The following PDGFD variants were observed in gnomAD, a reference collection of about 807,000 sequenced individuals.
The protein encoded by PDGFD is platelet-derived growth factor D.
In PDGFD, 30 loss-of-function variants were observed where a neutral mutation model predicts 44.7. The observed-to-expected ratio is 0.67, with a 90% confidence interval of 0.50 to 0.91. The LOEUF (loss-of-function observed/expected upper bound fraction) is 0.91. Ranked by LOEUF, PDGFD falls within the 40% of genes least tolerant of loss-of-function variation. The pLI is 0.00. For synonymous variants in PDGFD, 173 were observed against 168.4 expected, an observed-to-expected ratio of 1.03 and a Z score of -0.21; for missense variants, 445 against 457.8, an observed-to-expected ratio of 0.97 and a Z score of 0.25.
Position 104,159,257 on chromosome 11 carries a change from G to A in PDGFD, c.124+4547C>T, listed in dbSNP as rs572170925. Among the ~76,000 whole-genome samples the A allele has an allele frequency of 4.1e-4, 62 of 152,032 alleles. No homozygotes were observed. The South Asian group carries it at 8.9e-3, about 22-fold the overall frequency. ...CTGAAAAGAGAGAGCCTTGAAAGAGGCTAGGTAGCTCAGACACTAACTCAC... is the reference window on the plus strand; with the variant it reads ...CTGAAAAGAGAGAGCCTTGAAAGAGACTAGGTAGCTCAGACACTAACTCAC... On this transcript the variant is annotated intron_variant, in intron 1 of 6. Transcript: ENST00000393158.
chr11:104,028,087 G>GT (rs1270052572), intron 1 of PDGFD, among the ~76,000 whole-genome samples: 3 of 151,694 alleles, frequency 2.0e-5, no homozygotes, highest in Admixed American at 2.0e-4. Context: ...CTACTCTGGA[G>GT]ACTGAGGCAG....
chr11:104,041,311 G>A (rs895563099), intron 1 of PDGFD, among the ~76,000 whole-genome samples: 3 of 151,848 alleles, frequency 2.0e-5, no homozygotes, highest in African/African-American at 7.3e-5. Flanking sequence ...ATAATATGTT[G>A]GTACAAAAGA....
chr11:103,991,843 CACCA>C (rs1859458240), intron 3 of PDGFD, among the ~76,000 whole-genome samples: 1 of 152,196 alleles, frequency 6.6e-6, no homozygotes, highest in African/African-American at 2.4e-5. Flanking sequence ...GCAGTATTAT[CACCA>C]TTTTACAGAC....
chr11:104,128,543 G>A (rs764790705), intron 1 of PDGFD, among the ~76,000 whole-genome samples: 21 of 152,248 alleles, frequency 1.4e-4, no homozygotes, highest in Admixed American at 1.2e-3. Flanking sequence ...GCATGATTGC[G>A]TGTGTATTTC....
At position 103,992,567 on chromosome 11, in the gene PDGFD, A is replaced by G. The variant is rs191394242; in HGVS notation, c.510+3498T>C. 5.6e-3 allele frequency among the ~76,000 whole-genome samples: 860 copies of G among 152,342 alleles called. 5 individuals are homozygous for G. Among genetic ancestry groups the G allele is most frequent in the Non-Finnish European group, 9.5e-3 (649 of 68,026 alleles). On this transcript the variant is annotated intron_variant, in intron 3 of 6. Transcript: ENST00000393158. ...TTCCTAATGGGTGAATCCTGCCTTC[A>G]ATCTAAGGTATGCTTTATGGTAAGG...
intron 1 of PDGFD, among the ~76,000 whole-genome samples, chr11:104,043,193 T>C (rs768806761): frequency 6.6e-6 from 1 of 152,150 alleles, no homozygotes; most frequent in Admixed American, 6.5e-5. Flanking sequence ...TGCTCCCCAT[T>C]TGAGACACTA....
intron 5 of PDGFD, among the ~76,000 whole-genome samples, chr11:103,932,478 A>T (rs1275713526): frequency 6.6e-6 from 1 of 152,190 alleles, no homozygotes; most frequent in African/African-American, 2.4e-5. Flanking sequence ...GTTTATTGGG[A>T]TGTAAACCCA....
At chr11:104,094,360 A>G (rs1801385548) in intron 1 of PDGFD, among the ~76,000 whole-genome samples, 1 of 151,980 alleles carries the variant, frequency 6.6e-6, no homozygotes. Context: ...TCCTCTTTGC[A>G]TACAAGTCTC....
intron 4 of PDGFD, among the ~76,000 whole-genome samples, chr11:103,944,565 TC>T: frequency 6.6e-6 from 1 of 152,124 alleles, no homozygotes; most frequent in South Asian, 2.1e-4. Flanking sequence ...CAAATAAGAT[TC>T]CCCAAAGGCA....
chr11:104,143,498 C>G (rs1862117184), intron 1 of PDGFD, among the ~76,000 whole-genome samples: 1 of 152,112 alleles, frequency 6.6e-6, no homozygotes, highest in Non-Finnish European at 1.5e-5. Flanking sequence ...TTTAAGCATC[C>G]TTGGAGGTAC....
chr11:104,074,292 A>G (rs1860922084), intron 1 of PDGFD, among the ~76,000 whole-genome samples: 1 of 152,184 alleles, frequency 6.6e-6, no homozygotes, highest in Admixed American at 6.5e-5. Context: ...AGAACAGTAC[A>G]TCGTTGCTGT....
intron 3 of PDGFD, among the ~76,000 whole-genome samples, chr11:103,987,616 G>C (rs1462955485): frequency 6.6e-6 from 1 of 152,142 alleles, no homozygotes; most frequent in Non-Finnish European, 1.5e-5. Context: ...TTACTAGAAA[G>C]ACTTAAGCTT....
intron 6 of PDGFD, among the ~76,000 whole-genome samples, chr11:103,924,984 C>A (rs1858283244): frequency 6.6e-6 from 1 of 152,064 alleles, no homozygotes; most frequent in Non-Finnish European, 1.5e-5. Context: ...CACCGACAGC[C>A]CCCAGTGTGT....
chr11:104,148,677 T>A (rs1178866546), intron 1 of PDGFD, among the ~76,000 whole-genome samples: 28 of 152,120 alleles, frequency 1.8e-4, no homozygotes, highest in Non-Finnish European at 2.9e-5. Context: ...GTTGTACAGA[T>A]TATTTCATTA....
At chr11:103,985,392 G>T (rs1173170349) in intron 3 of PDGFD, among the ~76,000 whole-genome samples, 1 of 150,858 alleles carries the variant, frequency 6.6e-6, no homozygotes, top group Non-Finnish European at 1.5e-5. Context: ...AAGAGATGGG[G>T]GTCTCACTAT....
In PDGFD at chr11:104,142,768, T is replaced by G. The variant is rs139602255; in HGVS notation, c.124+21036A>C. On this transcript the variant is annotated intron_variant, in intron 1 of 6. Coordinates refer to ENST00000393158, the MANE Select transcript of PDGFD (RefSeq NM_025208.5). Reference sequence around the variant, plus strand: ...TGCTGTGCTAAAATCTTCTCGAAAATGCAGACTGTTCATTCTGATATGGCC... The same window carrying G: ...TGCTGTGCTAAAATCTTCTCGAAAAGGCAGACTGTTCATTCTGATATGGCC... Among the ~76,000 whole-genome samples the G allele has an allele frequency of 2.5e-4, 38 of 152,254 alleles. No individual in the cohort carries two copies. In the East Asian group the frequency reaches 6.4e-3, roughly 26 times the overall value.
intron 1 of PDGFD, among the ~76,000 whole-genome samples, chr11:104,122,552 G>A (rs747908521): frequency 2.0e-5 from 3 of 151,902 alleles, no homozygotes; most frequent in Non-Finnish European, 4.4e-5. Context: ...CTCCAGCAGA[G>A]AGCTATCCTC....
chr11:104,024,062 A>C (rs1349141403), intron 1 of PDGFD, among the ~76,000 whole-genome samples: 1 of 152,050 alleles, frequency 6.6e-6, no homozygotes, highest in Non-Finnish European at 1.5e-5. Context: ...ACATTAACGA[A>C]AGCTCTCAGG....
intron 1 of PDGFD, among the ~76,000 whole-genome samples, chr11:104,044,629 C>G (rs1860410671): frequency 6.6e-6 from 1 of 152,090 alleles, no homozygotes; most frequent in Admixed American, 6.5e-5. Flanking sequence ...TACAAATAAA[C>G]CATTAAAATG....
Sources: allele counts gnomAD v4.1 joint callset (sites outside exome capture counted in the v4.1 genomes callset), GRCh38; gene constraint gnomAD v4.1.1; transcripts MANE v1.5; gene names NCBI Gene and HGNC (gene_info 2026-07-23, HGNC 2026-07-21).